Variants in TAF1 observed in about 807,000 individuals in gnomAD.
TAF1 encodes the protein transcription initiation factor TFIID subunit 1.
A neutral mutation model predicts 138.5 loss-of-function variants in TAF1; 2 were observed. That is an observed-to-expected ratio of 0.01 (90% CI 0.01 to 0.05). The LOEUF is 0.05. Among genes scored for constraint, TAF1 ranks in the 10% least tolerant of loss-of-function variants. The pLI is 1.00. For missense variants in TAF1, 709 were observed against 1,478.0 expected, an observed-to-expected ratio of 0.48 and a Z score of 8.53; for synonymous variants, 437 against 503.2, an observed-to-expected ratio of 0.87 and a Z score of 1.76.
chrX:71,386,262 C>G (rs1461053939), intron 14 of TAF1, among the ~76,000 whole-genome samples: 1 of 111,312 alleles, frequency 9.0e-6, no homozygotes, highest in Non-Finnish European at 1.9e-5. Flanking sequence ...TGATGGTCTT[C>G]CCTCTTTCTG....
chrX:71,444,437 G>A (rs2037585969), intron 32 of TAF1, among the ~76,000 whole-genome samples: 1 of 111,751 alleles, frequency 8.9e-6, no homozygotes, highest in Non-Finnish European at 1.9e-5. Flanking sequence ...GTATCTTTCA[G>A]GCTAGGCACA....
At chrX:71,451,985 T>C (rs1313334706) in intron 32 of TAF1, among the ~76,000 whole-genome samples, 6 of 112,515 alleles carry the variant, frequency 5.3e-5, no homozygotes, top group Admixed American at 9.3e-5. Flanking sequence ...CTCAATGAGC[T>C]GTTGGGTACA....
At chrX:71,404,533 C>T (rs1007771353) in intron 25 of TAF1, among the ~76,000 whole-genome samples, 7 of 110,509 alleles carry the variant, frequency 6.3e-5, no homozygotes, top group Admixed American at 2.9e-4. Context: ...GACAGGGTTT[C>T]TCCATGTTGG....
rs144950260 is a variant in TAF1, at chrX:71,515,524, A to C, written c.1367-13018A>C. On this transcript the variant is annotated intron_variant and NMD_transcript_variant, in intron 13 of 14. Coordinates refer to the TAF1 transcript ENST00000373775. ...TCAGTTAATCTGAGGCAAGAATTTC[A>C]TACCTTGAACATTATGGAATCAGGT... 4.4e-3 allele frequency among the ~76,000 whole-genome samples: 495 copies of C among 112,027 alleles called. 3 individuals are homozygous for C. The highest frequency in any genetic ancestry group is 5.5e-3 in the Non-Finnish European group (293 of 53,221).
At position 71,382,523 on chromosome X, in the gene TAF1, G is replaced by A. The variant is rs1407723927; in HGVS notation, c.1538-13G>A. The stretch of plus-strand genomic sequence containing the variant: ...AGGGAGAGCAACTCAAGTGATTTTT[G>A]TTTTATTCTCAGAAATTCCTGATGA... On this transcript the variant is annotated splice_polypyrimidine_tract_variant and intron_variant, in intron 9 of 37. Transcript: ENST00000423759. 3 of 1,201,234 alleles carry A rather than the reference G, an allele frequency of 2.5e-6. No individual in the cohort carries two copies. The highest frequency in any genetic ancestry group is 3.4e-6 in the Non-Finnish European group (3 of 892,580).
Position 71,393,274 on chromosome X carries a change from AT to A in TAF1, c.3052-24del, listed in dbSNP as rs764562599. The stretch of plus-strand genomic sequence containing the variant: ...TGTGTGTGTGTGTGTGTATATTTAT[AT>A]TTGTGTGTGGCTATTTGTCTCGTAG... On this transcript the variant is annotated intron_variant, in intron 20 of 37. Coordinates refer to ENST00000423759, the MANE Select transcript of TAF1 (RefSeq NM_004606.5). 68 of 1,166,802 alleles carry A rather than the reference AT, an allele frequency of 5.8e-5. No homozygotes were observed. The Middle Eastern group carries it at 9.6e-4, about 17-fold the overall frequency.
At chrX:71,384,818 C>T (rs1212488363) in intron 13 of TAF1, 127 bp from the exon 14 acceptor site, 16 of 489,928 alleles carry the variant, frequency 3.3e-5, no homozygotes, top group Admixed American at 1.4e-4. Flanking sequence ...TTCCAAAATC[C>T]GAAACACTTC....
chrX:71,473,358 C>A (rs1367976531), intron 13 of TAF1, among the ~76,000 whole-genome samples: 4 of 110,611 alleles, frequency 3.6e-5, no homozygotes, highest in African/African-American at 1.3e-4. Flanking sequence ...ATATTCCAGA[C>A]AGATAGTACC....
At chrX:71,366,520 G>GC in intron 1 of TAF1, 26 bp downstream of exon 1, 7 of 417,668 alleles carry the variant, frequency 1.7e-5, no homozygotes, top group Admixed American at 5.2e-5. Context: ...TGGGGGTAGG[G>GC]CTCGGGGGGT....
intron 22 of TAF1, among the ~76,000 whole-genome samples, chrX:71,396,143 C>T (rs1331804845): frequency 5.7e-5 from 6 of 104,485 alleles, no homozygotes; most frequent in Non-Finnish European, 1.2e-4. Flanking sequence ...AGTGAAACTC[C>T]GTCTCAAAAA....
intron 32 of TAF1, among the ~76,000 whole-genome samples, chrX:71,452,141 G>A (rs1174301129): frequency 1.9e-5 from 2 of 107,759 alleles, no homozygotes; most frequent in African/African-American, 6.7e-5. Context: ...CAGACGGGGC[G>A]GCTGGCCGGG....
chrX:71,422,762 A>G (rs1484593316), intron 29 of TAF1, among the ~76,000 whole-genome samples: 2 of 111,003 alleles, frequency 1.8e-5, no homozygotes, highest in Non-Finnish European at 3.8e-5. Context: ...TTTTTGAGAT[A>G]GAGCTTCGCT....
chrX:71,494,007 T>G (rs1031607255), intron 13 of TAF1, among the ~76,000 whole-genome samples: 2 of 111,433 alleles, frequency 1.8e-5, no homozygotes, highest in Admixed American at 1.9e-4. Flanking sequence ...ATGCCCACCG[T>G]TTTGCACCTT....
At chrX:71,480,338 T>G (rs1279514937) in intron 13 of TAF1, among the ~76,000 whole-genome samples, 1 of 111,561 alleles carries the variant, frequency 9.0e-6, no homozygotes, top group Non-Finnish European at 1.9e-5. Flanking sequence ...GAGGTTGCAG[T>G]GGGCTATGAT....
chrX:71,522,976 G>A (rs1219875049), intron 13 of TAF1, among the ~76,000 whole-genome samples: 1 of 109,346 alleles, frequency 9.1e-6, no homozygotes, highest in African/African-American at 3.3e-5. Context: ...GAGCTCAGGA[G>A]TTCAAGACCA....
At chrX:71,459,326 C>T in intron 35 of TAF1, 1 of 1,061,537 alleles carries the variant, frequency 9.4e-7, no homozygotes, top group South Asian at 2.2e-5. Context: ...ACAGGCCAGG[C>T]CAAATCCTAA....
At chrX:71,485,619 A>T (rs1327400715) in intron 13 of TAF1, among the ~76,000 whole-genome samples, 1 of 112,100 alleles carries the variant, frequency 8.9e-6, no homozygotes, top group Non-Finnish European at 1.9e-5. Context: ...GCATCTTTTC[A>T]TGTGCTTATT....
chrX:71,396,295 CTTTT>C (rs368521405), intron 22 of TAF1, among the ~76,000 whole-genome samples: 1 of 93,381 alleles, frequency 1.1e-5, no homozygotes, highest in Non-Finnish European at 2.1e-5. Context: ...TGCTTGGGTA[CTTTT>C]TTTTTTTTTT....
chrX:71,379,594 ATCTT>A (rs1277721879), intron 8 of TAF1, among the ~76,000 whole-genome samples: 2 of 85,310 alleles, frequency 2.3e-5, no homozygotes, highest in Non-Finnish European at 4.4e-5. Context: ...TGTGATAAAG[ATCTT>A]TTTTTTTTTT....
Sources: gnomAD v4.1 joint callset for allele counts (sites outside exome capture counted in the v4.1 genomes callset) on GRCh38, gnomAD v4.1.1 for gene constraint, MANE v1.5 for transcripts, NCBI Gene and HGNC (gene_info 2026-07-23, HGNC 2026-07-21) for gene names.